The following CNTN1 variants were observed in gnomAD, a reference collection of about 807,000 sequenced individuals.
CNTN1 encodes the protein contactin-1.
CNTN1 carries 38 observed loss-of-function variants against 126.4 expected under a neutral mutation model. The ratio of observed to expected loss-of-function variants is 0.30; its 90% CI spans 0.23 to 0.39. The LOEUF (loss-of-function observed/expected upper bound fraction) is 0.39. Ranked by LOEUF, CNTN1 falls within the 10% of genes least tolerant of loss-of-function variation. CNTN1 has a pLI of 1.00. For missense variants in CNTN1, 1,009 were observed against 1,248.4 expected (o/e 0.81, Z 2.89); for synonymous variants, 413 against 422.6 (o/e 0.98, Z 0.28).
At chr12:40,846,736 G>A (rs920876549) in intron 1 of CNTN1, among the ~76,000 whole-genome samples, 2 of 152,086 alleles carry the variant, frequency 1.3e-5, no homozygotes. Flanking sequence ...TTGTCACCCA[G>A]GCTGGAGTGC....
intron 1 of CNTN1, among the ~76,000 whole-genome samples, chr12:40,704,125 T>G (rs1325221334): frequency 6.6e-6 from 1 of 152,084 alleles, no homozygotes; most frequent in Non-Finnish European, 1.5e-5. Context: ...GAAAGTTTCT[T>G]TAAAGTGTTG....
chr12:40,879,260 G>A (rs899762880), intron 1 of CNTN1, among the ~76,000 whole-genome samples: 1 of 151,974 alleles, frequency 6.6e-6, no homozygotes, highest in Non-Finnish European at 1.5e-5. Context: ...AGCTCTTTTC[G>A]AAAACCAGTC....
intron 1 of CNTN1, among the ~76,000 whole-genome samples, chr12:40,891,813 C>T (rs1944248384): frequency 6.6e-6 from 1 of 151,990 alleles, no homozygotes; most frequent in African/African-American, 2.4e-5. Flanking sequence ...GGCTTTAAGT[C>T]TTGAGGTTGG....
chr12:40,916,280 G>T (rs531033157), intron 3 of CNTN1, among the ~76,000 whole-genome samples: 1 of 152,112 alleles, frequency 6.6e-6, no homozygotes, highest in African/African-American at 2.4e-5. Context: ...TATGCATTGA[G>T]AAGAAACAAC....
chr12:40,948,877 T>C (rs1344396445), intron 14 of CNTN1, among the ~76,000 whole-genome samples: 1 of 152,194 alleles, frequency 6.6e-6, no homozygotes, highest in Non-Finnish European at 1.5e-5. Context: ...CTACACAGTT[T>C]CAAGTGGTCT....
chr12:40,970,413 C>T (rs1345933337), intron 15 of CNTN1, among the ~76,000 whole-genome samples: 1 of 152,020 alleles, frequency 6.6e-6, no homozygotes, highest in Non-Finnish European at 1.5e-5. Flanking sequence ...TGTCTTACGA[C>T]CTTTTTTTTA....
At chr12:40,707,781 T>G (rs1941809741) in intron 1 of CNTN1, among the ~76,000 whole-genome samples, 1 of 152,218 alleles carries the variant, frequency 6.6e-6, no homozygotes, top group Non-Finnish European at 1.5e-5. Context: ...AAAAAATACT[T>G]TGAAGTCTTC....
chr12:40,705,422 G>C (rs1278423566), intron 1 of CNTN1, among the ~76,000 whole-genome samples: 1 of 152,026 alleles, frequency 6.6e-6, no homozygotes, highest in Non-Finnish European at 1.5e-5. Context: ...GATGGGGTAA[G>C]CGTTGTTGAT....
At chr12:40,783,657 T>G (rs922974535) in intron 1 of CNTN1, among the ~76,000 whole-genome samples, 7 of 152,102 alleles carry the variant, frequency 4.6e-5, no homozygotes, top group African/African-American at 1.7e-4. Flanking sequence ...AAACATGATT[T>G]AAAACAACTT....
At chr12:40,916,805 A>C (rs1945261724) in intron 3 of CNTN1, among the ~76,000 whole-genome samples, 3 of 152,026 alleles carry the variant, frequency 2.0e-5, no homozygotes, top group South Asian at 4.1e-4. Flanking sequence ...AGCCCTGTAA[A>C]ACAAATTGCT....
At chr12:40,977,855 T>C (rs955749127) in intron 15 of CNTN1, among the ~76,000 whole-genome samples, 10 of 152,038 alleles carry the variant, frequency 6.6e-5, no homozygotes, top group Admixed American at 5.9e-4. Context: ...CAGGCTGGAG[T>C]GCAGTGGCGC....
At chr12:40,693,597 C>G (rs567774146) in intron 1 of CNTN1, among the ~76,000 whole-genome samples, 7 of 152,206 alleles carry the variant, frequency 4.6e-5, no homozygotes, top group Non-Finnish European at 7.3e-5. Context: ...AAGCGGATAG[C>G]TGCGACCTTT....
chr12:41,051,564 A>T lies in CNTN1; in HGVS notation c.2981-18395A>T, dbSNP rs545879527. 3.4e-3 allele frequency among the ~76,000 whole-genome samples: 519 copies of T among 152,172 alleles called. 2 individuals carry two copies. Among genetic ancestry groups the T allele is most frequent in the African/African-American group, 0.012 (483 of 41,510 alleles). On this transcript the variant is annotated intron_variant, in intron 23 of 23. Transcript: ENST00000551295. ...GTAGAGAAACAAAACCAAAAAAAAT[A>T]CACAAAATCTACTATTATATTATTC...
intron 1 of CNTN1, among the ~76,000 whole-genome samples, chr12:40,873,532 A>T (rs1943574750): frequency 6.6e-6 from 1 of 152,114 alleles, no homozygotes; most frequent in African/African-American, 2.4e-5. Context: ...AAACATGTAA[A>T]ATTTGAGCAA....
rs1390190115 is a variant in CNTN1, at chr12:40,929,348, AC to A, written c.497-447del. ...CTATAAAATAGGTGCACACACACAC[AC>A]ACACAAAAAAAAAAAGATAAAGCAA... On this transcript the variant is annotated intron_variant, in intron 6 of 23. Coordinates refer to ENST00000551295, the MANE Select transcript of CNTN1 (RefSeq NM_001843.4). 3.9e-3 allele frequency among the ~76,000 whole-genome samples: 589 copies of A among 150,012 alleles called. 3 individuals carry two copies. Among genetic ancestry groups the A allele is most frequent in the African/African-American group, 0.014 (552 of 40,144 alleles).
intron 14 of CNTN1, among the ~76,000 whole-genome samples, chr12:40,946,969 T>G (rs1020080942): frequency 2.0e-5 from 3 of 152,034 alleles, no homozygotes; most frequent in Non-Finnish European, 4.4e-5. Context: ...TTTTTTCTAA[T>G]TAAAGTTATG....
intron 23 of CNTN1, among the ~76,000 whole-genome samples, chr12:41,041,429 T>A (rs1365263221): frequency 6.6e-6 from 1 of 152,214 alleles, no homozygotes; most frequent in African/African-American, 2.4e-5. Context: ...GCCGGCCTCA[T>A]AAAATGAGTT....
intron 23 of CNTN1, among the ~76,000 whole-genome samples, chr12:41,045,550 T>C (rs1949523061): frequency 6.6e-6 from 1 of 152,152 alleles, no homozygotes; most frequent in Non-Finnish European, 1.5e-5. Flanking sequence ...TAAGAGGGAA[T>C]ATAAAATGCT....
rs192911988 is a variant in CNTN1, at chr12:40,725,274, G to A, written c.-77+32682G>A. On this transcript the variant is annotated intron_variant, in intron 1 of 23. Coordinates refer to ENST00000551295, the MANE Select transcript of CNTN1 (RefSeq NM_001843.4). The stretch of plus-strand genomic sequence containing the variant: ...AAATTAGCAGGGTGTGGTGGTGCAT[G>A]CCTGTAATTCCAGCTACTCAGGAGG... 2.6e-4 allele frequency among the ~76,000 whole-genome samples: 40 copies of A among 151,928 alleles called. No homozygotes were observed. In the East Asian group the frequency reaches 7.4e-3, roughly 28 times the overall value.
Sources: gnomAD v4.1 joint callset for allele counts (sites outside exome capture counted in the v4.1 genomes callset) on GRCh38, gnomAD v4.1.1 for gene constraint, MANE v1.5 for transcripts, NCBI Gene and HGNC (gene_info 2026-07-23, HGNC 2026-07-21) for gene names.